The following CORO7 variants were observed in gnomAD, a reference collection of about 807,000 sequenced individuals.
The protein encoded by CORO7 is coronin-7.
CORO7 carries 107 observed loss-of-function variants against 126.6 expected under a neutral mutation model. The ratio of observed to expected loss-of-function variants is 0.85; its 90% CI spans 0.72 to 0.99. CORO7 has a LOEUF of 0.99. CORO7 is among the 50% of genes least tolerant of loss of function. CORO7 has a pLI of 0.00. For synonymous variants in CORO7, 603 were observed against 536.8 expected (o/e 1.12, Z -1.70); for missense variants, 1,314 against 1,255.8 (o/e 1.05, Z -0.70).
chr16:4,355,905 G>A (rs1262222359), intron 26 of CORO7, among the ~76,000 whole-genome samples: 2 of 152,238 alleles, frequency 1.3e-5, no homozygotes, highest in South Asian at 4.1e-4. Flanking sequence ...AGCCTCCCAA[G>A]TAGCTGGGAC....
intron 9 of CORO7, chr16:4,383,261 C>T (rs1359408496): frequency 7.3e-6 from 2 of 273,168 alleles, no homozygotes; most frequent in Non-Finnish European, 1.5e-5. Context: ...GTGAAGGAAG[C>T]TCCCGGAAAG....
chr16:4,374,625 CG>C (rs1475068272), intron 9 of CORO7, among the ~76,000 whole-genome samples: 1 of 152,004 alleles, frequency 6.6e-6, no homozygotes, highest in African/African-American at 2.4e-5. Flanking sequence ...GAGAGCAGTG[CG>C]GGGGCAGGGT....
In CORO7 at chr16:4,388,120, C is replaced by T. The variant is rs113802334; in HGVS notation, c.703-52G>A. On this transcript the variant is annotated intron_variant, in intron 8 of 27. Transcript: ENST00000251166. ...AGAGGGGCCTGTCCCTCAGCCCCAC[C>T]CGGGGGGCTCCCAGGGAAACCAGCG... is the stretch of plus-strand genomic sequence containing the variant. The T allele has an allele frequency of 6.4e-4, 999 of 1,566,646 alleles. 13 individuals are homozygous for T. The African/African-American group carries it at 0.012, about 18-fold the overall frequency.
In CORO7 at chr16:4,362,379, C is replaced by G. The variant is rs888027813; in HGVS notation, c.1403-219G>C. On this transcript the variant is annotated intron_variant, in intron 15 of 27. Transcript: ENST00000251166. The surrounding 1 kb of genome is among the most constrained non-coding windows in gnomAD (Gnocchi z 5.3). The stretch of plus-strand genomic sequence containing the variant: ...GTGGCTCGGGGAATCTTGGTGGAGC[C>G]CAGGGCTTTGGCTGCTCAGAAGCTG... Among the ~76,000 whole-genome samples the G allele has an allele frequency of 1.2e-4, 19 of 152,132 alleles. No homozygotes were observed. The highest frequency in any genetic ancestry group is 1.2e-3 in the Admixed American group (19 of 15,272).
chr16:4,381,743 G>A (rs1403763410), intron 9 of CORO7: 24 of 1,604,034 alleles, frequency 1.5e-5, no homozygotes, highest in Middle Eastern at 1.6e-4. Flanking sequence ...CTCTTCCCCC[G>A]CCTGCGGCTG....
intron 5 of CORO7, among the ~76,000 whole-genome samples, chr16:4,406,364 T>C (rs376014933): frequency 1.2e-4 from 18 of 152,070 alleles, no homozygotes; most frequent in Non-Finnish European, 2.4e-4. Flanking sequence ...GGTGTGATCA[T>C]AGCTAACTGC....
At chr16:4,377,469 A>G (rs2054781964) in intron 9 of CORO7, among the ~76,000 whole-genome samples, 1 of 152,198 alleles carries the variant, frequency 6.6e-6, no homozygotes, top group Non-Finnish European at 1.5e-5. Context: ...AGAACTTGTT[A>G]AAAGAACTTC....
intron 8 of CORO7, 81 bp downstream of exon 8, chr16:4,388,464 C>T (rs1280054708): frequency 2.7e-6 from 4 of 1,484,270 alleles, no homozygotes; most frequent in Non-Finnish European, 2.8e-6. Context: ...TCCCCCGCCT[C>T]CCATTGGTTT....
intron 9 of CORO7, chr16:4,381,712 C>T (rs1443737002): frequency 6.2e-7 from 1 of 1,607,512 alleles, no homozygotes. Flanking sequence ...CCTGCAGGCC[C>T]TGCCTGGCGA....
chr16:4,365,409 G>T (rs3747575), intron 10 of CORO7, 82 bp downstream of exon 10: 844,723 of 1,534,350 alleles, frequency 0.55, 236,342 homozygotes, highest in African/African-American at 0.67. Context: ...GGCCCTGTTC[G>T]AGTTCCTCCT....
chr16:4,381,884 GC>G, intron 9 of CORO7: 1 of 1,604,966 alleles, frequency 6.2e-7, no homozygotes, highest in East Asian at 2.2e-5. Flanking sequence ...AAGAACGCTG[GC>G]CGGCTGCTCC....
rs543752213 is a variant in CORO7, at chr16:4,382,148, C to G, written c.785+5838G>C. 25 of 1,591,844 alleles carry G rather than the reference C, an allele frequency of 1.6e-5. No homozygotes were observed. In the East Asian group the frequency reaches 5.5e-4, roughly 35 times the overall value. On this transcript the variant is annotated intron_variant, in intron 9 of 27. Coordinates refer to ENST00000251166, the MANE Select transcript of CORO7 (RefSeq NM_024535.5). ...AATGGGGGCACATGCCACCTGGGGA[C>G]ACGGCACCACCTGGCGTGCTTGTGC...
In CORO7 at chr16:4,412,446, G is replaced by A. The variant is rs200175994; in HGVS notation, c.158-16C>T. On this transcript the variant is annotated splice_polypyrimidine_tract_variant and intron_variant, in intron 2 of 27. Transcript: ENST00000251166. ...CCCAGTACACCTGTTAAACAAACAC[G>A]GGGACTCTGACTTCAGGCCCCACAG... 286 of 1,613,972 alleles carry A rather than the reference G, an allele frequency of 1.8e-4. 1 individual carries two copies. Among genetic ancestry groups the A allele is most frequent in the East Asian group, 4.2e-4 (19 of 44,882 alleles).
At chr16:4,378,235 C>T (rs771326722) in intron 9 of CORO7, among the ~76,000 whole-genome samples, 13 of 152,172 alleles carry the variant, frequency 8.5e-5, no homozygotes, top group Non-Finnish European at 1.6e-4. Flanking sequence ...TCACTGTCTG[C>T]GGCCTCACAG....
At chr16:4,393,150 C>CGGTA (rs1555478005) in intron 7 of CORO7, among the ~76,000 whole-genome samples, 1 of 152,268 alleles carries the variant, frequency 6.6e-6, no homozygotes. Flanking sequence ...GAGCCATGCC[C>CGGTA]GGTAGGTCGG....
chr16:4,366,140 C>A (rs9934554), intron 9 of CORO7, among the ~76,000 whole-genome samples: 4 of 152,302 alleles, frequency 2.6e-5, no homozygotes, highest in Non-Finnish European at 5.9e-5. Flanking sequence ...ATCTGAGCCA[C>A]GTGCCCGGGA....
Position 4,355,357 on chromosome 16 carries a change from C to G in CORO7, c.2701G>C (p.Val901Leu). Residue 901 changes from valine (V) to leucine (L), a missense_variant, in exon 27 of 28, where the codon GTG (valine) becomes CTG (leucine). Transcript: ENST00000251166. ...QKKEELLNAM[V>L]AKLGNREDPL... ...TCCTCCCGGTTCCCCAGTTTTGCCACCATGGCATTCAGCAGCTGGGAGAGA... is the reference window on the plus strand; with the variant it reads ...TCCTCCCGGTTCCCCAGTTTTGCCAGCATGGCATTCAGCAGCTGGGAGAGA... The G allele has an allele frequency of 1.2e-6, 2 of 1,611,266 alleles. No individual in the cohort carries two copies. Among genetic ancestry groups the G allele is most frequent in the Non-Finnish European group, 1.7e-6 (2 of 1,179,796 alleles).
chr16:4,368,967 G>T (rs1444357701), intron 9 of CORO7, among the ~76,000 whole-genome samples: 1 of 152,174 alleles, frequency 6.6e-6, no homozygotes, highest in Non-Finnish European at 1.5e-5. Flanking sequence ...CTGCCCTTAT[G>T]AGAGGTGGGA....
intron 7 of CORO7, among the ~76,000 whole-genome samples, chr16:4,393,057 G>C (rs1393354571): frequency 2.6e-5 from 4 of 152,240 alleles, no homozygotes; most frequent in Non-Finnish European, 4.4e-5. Flanking sequence ...TGGAAGAGGA[G>C]GGGAGAGGAG....
Sources: gnomAD v4.1 joint callset for allele counts (sites outside exome capture counted in the v4.1 genomes callset) on GRCh38, gnomAD v4.1.1 for gene constraint, Gnocchi (gnomAD v3.1) non-coding constraint, MANE v1.5 for transcripts, NCBI Gene and HGNC (gene_info 2026-07-23, HGNC 2026-07-21) for gene names.